Variants in PTPRZ1 observed in about 807,000 individuals in gnomAD.
The protein encoded by PTPRZ1 is receptor-type tyrosine-protein phosphatase zeta.
In PTPRZ1, 82 loss-of-function variants were observed where a neutral mutation model predicts 214.1. The observed-to-expected ratio is 0.38, with a 90% CI of 0.32 to 0.46. The LOEUF is 0.46. Among genes scored for constraint, PTPRZ1 ranks in the 20% least tolerant of loss-of-function variants. PTPRZ1 has a pLI of 1.00. For missense variants in PTPRZ1, 2,603 were observed against 2,748.7 expected (o/e 0.95, Z 1.19); for synonymous variants, 945 against 987.9 (o/e 0.96, Z 0.81).
At position 121,997,157 on chromosome 7, in the gene PTPRZ1, G is replaced by A. The variant is rs556369345; in HGVS notation, c.1113+591G>A. On this transcript the variant is annotated intron_variant, in intron 9 of 29. Transcript: ENST00000393386. ...TCAGTATTAAACTTTGCTCTGGTAGGGAAGTGTTGGCCATAGATTAGGGTG... is the reference window on the plus strand; with the variant it reads ...TCAGTATTAAACTTTGCTCTGGTAGAGAAGTGTTGGCCATAGATTAGGGTG... 7.9e-5 allele frequency among the ~76,000 whole-genome samples: 12 copies of A among 152,248 alleles called. No individual in the cohort carries two copies. The South Asian group carries it at 1.9e-3, about 24-fold the overall frequency.
intron 15 of PTPRZ1, 192 bp downstream of exon 15, chr7:122,031,751 A>G: frequency 5.8e-6 from 2 of 347,530 alleles, no homozygotes; most frequent in Non-Finnish European, 1.0e-5. Context: ...TTGGTTTTCT[A>G]TTTTAAAAGC....
chr7:121,967,491 A>G (rs1452916852), intron 2 of PTPRZ1, among the ~76,000 whole-genome samples: 1 of 152,180 alleles, frequency 6.6e-6, no homozygotes, highest in Non-Finnish European at 1.5e-5. Context: ...GATTCCTTTC[A>G]ATCTGGAATC....
intron 1 of PTPRZ1, among the ~76,000 whole-genome samples, chr7:121,904,408 C>G (rs1165315320): frequency 6.6e-6 from 1 of 152,198 alleles, no homozygotes; most frequent in African/African-American, 2.4e-5. Flanking sequence ...AGTGGGGGTG[C>G]TCACAGCCTC....
At chr7:121,934,302 C>T (rs1796008581) in intron 2 of PTPRZ1, among the ~76,000 whole-genome samples, 1 of 151,958 alleles carries the variant, frequency 6.6e-6, no homozygotes, top group African/African-American at 2.4e-5. Flanking sequence ...CTCTGCTTGG[C>T]TGAATCTCAG....
chr7:122,001,738 T>C (rs1798331424), intron 10 of PTPRZ1, among the ~76,000 whole-genome samples: 1 of 152,090 alleles, frequency 6.6e-6, no homozygotes, highest in South Asian at 2.1e-4. Context: ...TCCTAATGTG[T>C]TTTTTTTAAT....
intron 23 of PTPRZ1, among the ~76,000 whole-genome samples, chr7:122,045,851 A>G (rs1048355539): frequency 6.6e-6 from 1 of 152,166 alleles, no homozygotes; most frequent in African/African-American, 2.4e-5. Flanking sequence ...TTCAATTGAA[A>G]AGAGAGATAT....
chr7:122,024,264 T>C (rs987408987), intron 13 of PTPRZ1, among the ~76,000 whole-genome samples: 1 of 151,876 alleles, frequency 6.6e-6, no homozygotes, highest in Non-Finnish European at 1.5e-5. Context: ...TTAAGGCAAA[T>C]TTTTGAAAGC....
chr7:122,034,021 C>T (rs1322575048), intron 15 of PTPRZ1, 74 bp from the exon 16 acceptor site: 40 of 1,362,054 alleles, frequency 2.9e-5, no homozygotes, highest in South Asian at 2.2e-4. Context: ...CTAATATGAA[C>T]GCTTTTTTTT....
intron 17 of PTPRZ1, among the ~76,000 whole-genome samples, chr7:122,035,538 C>A (rs1191982482): frequency 6.6e-6 from 1 of 152,158 alleles, no homozygotes; most frequent in African/African-American, 2.4e-5. Flanking sequence ...ATCCCTGAAA[C>A]AACCAGGCAA....
chr7:121,924,131 A>G (rs1191771151), intron 1 of PTPRZ1, among the ~76,000 whole-genome samples: 1 of 152,120 alleles, frequency 6.6e-6, no homozygotes, highest in Non-Finnish European at 1.5e-5. Flanking sequence ...TAGTCACACC[A>G]TAACCGCCTT....
chr7:122,038,478 T>A (rs2150476372), intron 18 of PTPRZ1, among the ~76,000 whole-genome samples: 1 of 150,444 alleles, frequency 6.6e-6, no homozygotes, highest in South Asian at 2.1e-4. Flanking sequence ...ATGCACAGAA[T>A]TATAGTTGTG....
chr7:121,981,135 C>T (rs1350644474), intron 6 of PTPRZ1, among the ~76,000 whole-genome samples: 11 of 127,620 alleles, frequency 8.6e-5, no homozygotes, highest in Admixed American at 8.3e-5. Flanking sequence ...AGCGAGACTC[C>T]GTCTCAAAAA....
Position 122,038,759 on chromosome 7 carries a change from A to G in PTPRZ1, c.5372A>G (p.Tyr1791Cys), listed in dbSNP as rs757818271. 1.9e-6 allele frequency: 3 copies of G among 1,613,528 alleles called. No homozygotes were observed. The highest frequency in any genetic ancestry group is 3.3e-5 in the Admixed American group (2 of 59,994). ...ATTTGTCATTTAATTCTTCAGGGCT[A>G]CAACAGACCAAAAGCTTATATTGCT... ...DYINANYVDG[Y>C]NRPKAYIAAQ... Residue 1791 changes from tyrosine to cysteine, a missense_variant, in exon 19 of 30, where the codon TAC becomes TGC. Tyr to Cys is a radical substitution (Grantham distance 194, BLOSUM62 -2). Transcript: ENST00000393386.
At chr7:122,051,313 A>T in intron 23 of PTPRZ1, 115 bp from the exon 24 acceptor site, 2 of 568,296 alleles carry the variant, frequency 3.5e-6, no homozygotes, top group Non-Finnish European at 5.9e-6. Context: ...ATATATTTTT[A>T]GTCAGTATCT....
At position 122,011,822 on chromosome 7, in the gene PTPRZ1, C is replaced by T. The variant is rs1220264754; in HGVS notation, c.2776C>T (p.Pro926Ser). ...MMHARSSGPE[P>S]SYALSDNEGS... ...GCATGCACGTTCTTCAGGGCCTGAA[C>T]CTTCTTATGCCTTGTCTGATAATGA... Residue 926 changes from proline to serine, a missense_variant, in exon 12 of 30, where the codon CCT becomes TCT. This residue lies in a region of PTPRZ1 where 1,913 missense variants were observed against 1,914.3 expected (regional missense o/e 1.00). Transcript: ENST00000393386. 2 of 1,613,896 alleles carry T rather than the reference C, an allele frequency of 1.2e-6. No individual in the cohort carries two copies. The highest frequency in any genetic ancestry group is 1.3e-5 in the African/African-American group (1 of 74,932).
intron 1 of PTPRZ1, among the ~76,000 whole-genome samples, chr7:121,888,955 T>G (rs1293985496): frequency 6.6e-6 from 1 of 152,156 alleles, no homozygotes; most frequent in Non-Finnish European, 1.5e-5. Context: ...GATTAAGGCT[T>G]CTGCAGGACT....
chr7:121,948,536 G>A (rs1796455546), intron 2 of PTPRZ1, among the ~76,000 whole-genome samples: 1 of 152,102 alleles, frequency 6.6e-6, no homozygotes, highest in Admixed American at 6.5e-5. Flanking sequence ...TTTCCAAATG[G>A]GAGACATTTC....
intron 13 of PTPRZ1, among the ~76,000 whole-genome samples, chr7:122,026,746 C>T (rs1269351928): frequency 1.3e-5 from 2 of 152,196 alleles, no homozygotes; most frequent in Non-Finnish European, 2.9e-5. Flanking sequence ...TTATCAAAGG[C>T]TTATACTACC....
At chr7:121,915,377 C>T (rs769589262) in intron 1 of PTPRZ1, among the ~76,000 whole-genome samples, 2 of 152,130 alleles carry the variant, frequency 1.3e-5, no homozygotes, top group African/African-American at 4.8e-5. Flanking sequence ...GGAATTTTAT[C>T]CTCACAAGAA....
Sources: allele counts gnomAD v4.1 joint callset (sites outside exome capture counted in the v4.1 genomes callset), GRCh38; gene constraint gnomAD v4.1.1; regional missense constraint gnomAD v4.1.1; transcripts MANE v1.5; gene names NCBI Gene and HGNC (gene_info 2026-07-23, HGNC 2026-07-21).